Variants in AKAP8 observed in about 807,000 individuals in gnomAD.
AKAP8 encodes A-kinase anchoring protein 8, also known as A-kinase anchor protein 8.
In AKAP8, 24 loss-of-function variants were observed where a neutral mutation model predicts 67.5. The observed-to-expected ratio is 0.36, with a 90% CI of 0.26 to 0.50. The LOEUF (loss-of-function observed/expected upper bound fraction) is 0.50. AKAP8 is among the 20% of genes least tolerant of loss of function. The probability of loss-of-function intolerance (pLI) is 0.97; values close to 1 mark genes in which losing one functional copy is unlikely to be tolerated. For synonymous variants in AKAP8, 400 were observed against 371.1 expected (o/e 1.08, Z -0.90); for missense variants, 971 against 955.9 (o/e 1.02, Z -0.21).
At chr19:15,360,522 G>A (rs1446360590) in intron 12 of AKAP8, among the ~76,000 whole-genome samples, 2 of 152,196 alleles carry the variant, frequency 1.3e-5, no homozygotes, top group Admixed American at 6.6e-5. Flanking sequence ...CAGTCCTTTA[G>A]TCCAAGTCCC....
intron 13 of AKAP8, among the ~76,000 whole-genome samples, chr19:15,358,649 G>A (rs1386179446): frequency 1.3e-5 from 2 of 151,964 alleles, no homozygotes; most frequent in Non-Finnish European, 2.9e-5. Flanking sequence ...AGTAGGGCTA[G>A]CCTTGGGTTT....
At chr19:15,355,434 G>C in intron 13 of AKAP8, 64 bp from the exon 14 acceptor site, 2 of 1,470,262 alleles carry the variant, frequency 1.4e-6, no homozygotes, top group South Asian at 1.3e-5. Flanking sequence ...CATGATTGCG[G>C]GGATGTCAGC....
intron 9 of AKAP8, among the ~76,000 whole-genome samples, chr19:15,367,962 G>A (rs1967095515): frequency 6.6e-6 from 1 of 152,236 alleles, no homozygotes; most frequent in Non-Finnish European, 1.5e-5. Flanking sequence ...AGAGACACAG[G>A]AGTCAAACAC....
chr19:15,368,176 G>A, intron 9 of AKAP8, 59 bp downstream of exon 9: 1 of 1,597,136 alleles, frequency 6.3e-7, no homozygotes, highest in Non-Finnish European at 8.5e-7. Context: ...GGTGAGCTCG[G>A]CAGCGCCTCC....
chr19:15,375,028 CAA>C (rs892484576), intron 2 of AKAP8, among the ~76,000 whole-genome samples: 20 of 152,314 alleles, frequency 1.3e-4, no homozygotes, highest in African/African-American at 4.3e-4. Flanking sequence ...AGCATTGGTG[CAA>C]AGTCACGTCC....
rs1005643442 is a variant in AKAP8 at position 15,354,518 on chromosome 19, T to C, written c.*397A>G. Reference sequence around the variant, plus strand: ...AAAAAAAATCCTCTATAGAGCAAGATATATTCCTAGTATTCAGCTGTTCCC... The same window carrying C: ...AAAAAAAATCCTCTATAGAGCAAGACATATTCCTAGTATTCAGCTGTTCCC... On this transcript the variant is annotated 3_prime_UTR_variant, in exon 14 of 14. Coordinates refer to ENST00000269701, the MANE Select transcript of AKAP8 (RefSeq NM_005858.4). The C allele has an allele frequency of 4.9e-6, 1 of 203,780 alleles. No homozygotes were observed. 12.6% of individuals were successfully genotyped at this position (203,780 alleles called of 1,614,324 possible). A position where few individuals can be genotyped will look rare whatever the true frequency, so the allele number is the denominator to read the frequency against.
chr19:15,371,850 C>A (rs1568252735), intron 7 of AKAP8, 102 bp downstream of exon 7: 1 of 1,350,470 alleles, frequency 7.4e-7, no homozygotes, highest in Non-Finnish European at 1.0e-6. Flanking sequence ...CAGAGGTAGT[C>A]AAATCTACCA....
At chr19:15,374,566 T>G (rs202246624) in intron 3 of AKAP8, 37 bp downstream of exon 3, 3 of 1,606,938 alleles carry the variant, frequency 1.9e-6, no homozygotes, top group Admixed American at 1.7e-5. Flanking sequence ...AGAGGCCCAC[T>G]TGCCCGCCCA....
chr19:15,374,768 T>A, intron 2 of AKAP8, 133 bp from the exon 3 acceptor site: 3 of 1,004,712 alleles, frequency 3.0e-6, no homozygotes, highest in East Asian at 2.7e-5. Context: ...GAGACACCCT[T>A]GGGTGTTTTT....
chr19:15,376,543 A>T (rs147302366), intron 2 of AKAP8, among the ~76,000 whole-genome samples: 2 of 152,302 alleles, frequency 1.3e-5, no homozygotes, highest in East Asian at 3.9e-4. Context: ...TGTAGTGTAC[A>T]CTCAGTACAC....
chr19:15,369,939 C>T lies in AKAP8; in HGVS notation c.1072+207G>A, dbSNP rs943930032. ...CCCACATCGGGTCAGGCAGACAGAC[C>T]CGTTTCCAGTAAATGCTGCCCCAGA... On this transcript the variant is annotated intron_variant, in intron 8 of 13. Coordinates refer to ENST00000269701, the MANE Select transcript of AKAP8 (RefSeq NM_005858.4). The surrounding 1 kb of genome is among the most constrained non-coding windows in gnomAD (Gnocchi z 4.6). Among the ~76,000 whole-genome samples the T allele has an allele frequency of 1.3e-5, 2 of 152,180 alleles. No homozygotes were observed. The highest frequency in any genetic ancestry group is 2.9e-5 in the Non-Finnish European group (2 of 68,032).
chr19:15,356,267 T>G (rs946560204), intron 13 of AKAP8, among the ~76,000 whole-genome samples: 11 of 149,608 alleles, frequency 7.4e-5, no homozygotes, highest in Admixed American at 1.3e-4. Context: ...TAGCCGGGCA[T>G]GGTGGCGAGC....
chr19:15,354,593 C>A lies in AKAP8; in HGVS notation c.*322G>T. On this transcript the variant is annotated 3_prime_UTR_variant, in exon 14 of 14. Coordinates refer to ENST00000269701, the MANE Select transcript of AKAP8 (RefSeq NM_005858.4). ...GAAAAAAATAAAAAAGGAAGCATTC[C>A]ATCAGTGGCTGTATTGAACAAGTAA... The A allele has an allele frequency of 1.0e-5, 3 of 294,956 alleles. No individual in the cohort carries two copies. The highest frequency in any genetic ancestry group is 9.4e-5 in the South Asian group (1 of 10,632). The allele number at this position is 294,956 out of a possible 1,614,324, so 18.3% of individuals were successfully genotyped here. A position where few individuals can be genotyped will look rare whatever the true frequency, so the allele number is the denominator to read the frequency against.
intron 3 of AKAP8, 125 bp from the exon 4 acceptor site, chr19:15,374,190 G>T: frequency 8.6e-7 from 1 of 1,163,302 alleles, no homozygotes; most frequent in Non-Finnish European, 1.2e-6. Flanking sequence ...CAGTGCTGCT[G>T]GCATCACTTC....
intron 13 of AKAP8, among the ~76,000 whole-genome samples, chr19:15,356,777 C>T (rs1276082026): frequency 6.6e-6 from 1 of 152,066 alleles, no homozygotes; most frequent in Non-Finnish European, 1.5e-5. Flanking sequence ...GAGGTCAAGG[C>T]GGGAGGATCA....
intron 2 of AKAP8, among the ~76,000 whole-genome samples, chr19:15,375,199 C>G (rs180941433): frequency 6.6e-6 from 1 of 152,306 alleles, no homozygotes; most frequent in East Asian, 1.9e-4. Flanking sequence ...CCCTAAAACA[C>G]GGGCTGGCAG....
Position 15,362,234 on chromosome 19 carries a change from G to T in AKAP8, c.1178C>A (p.Ser393Tyr). 6.2e-7 allele frequency: 1 copy of T among 1,614,092 alleles called. No homozygotes were observed. The highest frequency in any genetic ancestry group is 8.5e-7 in the Non-Finnish European group (1 of 1,180,006). Residue 393 changes from serine (S) to tyrosine (Y), a missense_variant, in exon 10 of 14, where the codon TCT (serine) becomes TAT (tyrosine). Ser to Tyr is a moderately radical substitution (Grantham distance 144, BLOSUM62 -2). This residue lies in a region of AKAP8 where 763 missense variants were observed against 745.4 expected (regional missense o/e 1.02). Coordinates refer to ENST00000269701, the MANE Select transcript of AKAP8 (RefSeq NM_005858.4). ...RAADRIQFAC[S>Y]VCKFRSFDDE... ...ATCAAAGCTACGGAACTTGCATACA[G>T]AACAGGCAAACTGAATTCTGTAGAA...
intron 8 of AKAP8, chr19:15,368,989 C>T (rs1568427030): frequency 1.6e-5 from 16 of 985,948 alleles, no homozygotes; most frequent in Middle Eastern, 5.2e-4. Flanking sequence ...CGGAGAGCCA[C>T]GCGGCCATCA....
intron 13 of AKAP8, among the ~76,000 whole-genome samples, chr19:15,356,303 G>A (rs906072444): frequency 6.6e-6 from 1 of 151,990 alleles, no homozygotes; most frequent in Admixed American, 6.6e-5. Flanking sequence ...TACTCGGGAG[G>A]CTGAGGCAGC....
Sources: allele counts gnomAD v4.1 joint callset (sites outside exome capture counted in the v4.1 genomes callset), GRCh38; gene constraint gnomAD v4.1.1; regional missense constraint gnomAD v4.1.1; non-coding constraint Gnocchi (gnomAD v3.1); transcripts MANE v1.5; gene names NCBI Gene and HGNC (gene_info 2026-07-23, HGNC 2026-07-21).